ANKRD26: variants seen among roughly 807,000 people sequenced by gnomAD.
ANKRD26 encodes the protein ankyrin repeat domain 26.
ANKRD26 carries 141 observed loss-of-function variants against 208.7 expected under a neutral mutation model. The observed-to-expected ratio is 0.68, with a 90% CI of 0.59 to 0.78. The LOEUF is 0.78. ANKRD26 is among the 30% of genes least tolerant of loss of function. The pLI, the probability that ANKRD26 is intolerant of heterozygous loss-of-function variation, is 0.00. For missense variants in ANKRD26, 1,889 were observed against 1,938.7 expected (o/e 0.97, Z 0.48); for synonymous variants, 636 against 660.4 (o/e 0.96, Z 0.57).
chr10:26,955,266 TAAAAGTACAA>T, the ANKRD26 span, among the ~76,000 whole-genome samples: 1 of 151,780 alleles, frequency 6.6e-6, no homozygotes, highest in Non-Finnish European at 1.5e-5. Context: ...CCATCTCTAC[TAAAAGTACAA>T]AATTAGCCGG....
chr10:27,086,675 C>CA, intron 4 of ANKRD26, 66 bp from the exon 5 acceptor site: 8 of 1,489,028 alleles, frequency 5.4e-6, no homozygotes, highest in Non-Finnish European at 7.3e-6. Flanking sequence ...CCAAATATCT[C>CA]AAAATCTTGA....
At chr10:27,052,330 G>A (rs2054691628) in intron 16 of ANKRD26, 1 of 237,610 alleles carries the variant, frequency 4.2e-6, no homozygotes, top group Non-Finnish European at 6.8e-6. Context: ...TGTTCCTTTG[G>A]ATTAAACTTA....
chr10:26,986,905 T>C (rs1214362966), intron 3 of ANKRD26, among the ~76,000 whole-genome samples: 1 of 152,226 alleles, frequency 6.6e-6, no homozygotes, highest in Non-Finnish European at 1.5e-5. Context: ...AGAAACACCA[T>C]TTGACCCAGC....
At chr10:27,024,599 G>A in intron 27 of ANKRD26, 40 bp from the exon 28 acceptor site, 2 of 1,165,574 alleles carry the variant, frequency 1.7e-6, no homozygotes, top group Non-Finnish European at 1.3e-6. Context: ...TAAAACTCTG[G>A]AAACACTTTT....
intron 33 of ANKRD26, among the ~76,000 whole-genome samples, chr10:27,006,055 C>A (rs2052865802): frequency 6.6e-6 from 1 of 152,124 alleles, no homozygotes; most frequent in Admixed American, 6.6e-5. Flanking sequence ...AAAAAACAGA[C>A]AAACATACAA....
chr10:27,044,081 A>T, intron 19 of ANKRD26, 76 bp downstream of exon 19: 1 of 1,128,184 alleles, frequency 8.9e-7, no homozygotes, highest in Non-Finnish European at 1.2e-6. Context: ...GGTGTGAGCC[A>T]CTGTGCCCAG....
At chr10:26,969,308 G>T (rs1459793207), downstream of ANKRD26, among the ~76,000 whole-genome samples, 1 of 152,196 alleles carries the variant, frequency 6.6e-6, no homozygotes, top group Non-Finnish European at 1.5e-5. Context: ...GGGGAATACT[G>T]AGAAGAGAAA....
chr10:27,037,984 A>G lies in ANKRD26; in HGVS notation c.2446T>C (p.Leu816=). 1.2e-6 allele frequency: 2 copies of G among 1,612,906 alleles called. No individual in the cohort carries two copies. The highest frequency in any genetic ancestry group is 1.7e-6 in the Non-Finnish European group (2 of 1,179,698). Residue 816 remains leucine (L), a synonymous_variant, in exon 22 of 34, where the codon TTA becomes CTA. Coordinates refer to ENST00000376087, the MANE Select transcript of ANKRD26 (RefSeq NM_014915.3). ...CTATATTGCTCTTCTTTTCTTCTTA[A>G]CTGTTCCCTAATTTTTTCATACAAC... is the stretch of plus-strand genomic sequence containing the variant. ...DTLYEKIREQ[L]RRKEEQYRKE...
chr10:26,976,493 G>A (rs1336594532), intron 5 of ANKRD26, among the ~76,000 whole-genome samples: 6 of 152,156 alleles, frequency 3.9e-5, no homozygotes, highest in Non-Finnish European at 1.5e-5. Context: ...GGGATTACAG[G>A]CCTGAGCCAC....
chr10:26,948,885 C>T, the ANKRD26 span, among the ~76,000 whole-genome samples: 4 of 152,232 alleles, frequency 2.6e-5, no homozygotes, highest in African/African-American at 9.6e-5. Flanking sequence ...ATCCCAGCTA[C>T]TTGGGAGGCT....
intron 4 of ANKRD26, among the ~76,000 whole-genome samples, chr10:27,089,188 C>T (rs2135700884): frequency 6.6e-6 from 1 of 152,304 alleles, no homozygotes; most frequent in South Asian, 2.1e-4. Flanking sequence ...GCAACAAAAT[C>T]ACTGGTAACA....
At chr10:27,091,434 A>G (rs1269225361) in intron 4 of ANKRD26, among the ~76,000 whole-genome samples, 1 of 152,164 alleles carries the variant, frequency 6.6e-6, no homozygotes, top group African/African-American at 2.4e-5. Context: ...CCCTTTGCCC[A>G]TACCAATTAA....
chr10:27,037,385 A>T, intron 22 of ANKRD26, 62 bp from the exon 23 acceptor site: 1 of 1,565,604 alleles, frequency 6.4e-7, no homozygotes, highest in Non-Finnish European at 8.7e-7. Context: ...GGTTAACAAG[A>T]GCAGAATTTT....
At chr10:27,041,872 C>T (rs1480847025) in intron 20 of ANKRD26, among the ~76,000 whole-genome samples, 1 of 151,678 alleles carries the variant, frequency 6.6e-6, no homozygotes, top group Admixed American at 6.6e-5. Flanking sequence ...AGGATATGGC[C>T]AGGAGAGAAA....
intron 5 of ANKRD26, among the ~76,000 whole-genome samples, chr10:27,085,143 C>G (rs1443462709): frequency 6.6e-6 from 1 of 151,770 alleles, no homozygotes; most frequent in Non-Finnish European, 1.5e-5. Context: ...CTCTGTCACC[C>G]AGGCTGGAGT....
intron 31 of ANKRD26, among the ~76,000 whole-genome samples, chr10:27,013,343 A>G (rs2053181100): frequency 6.6e-6 from 1 of 152,202 alleles, no homozygotes; most frequent in Admixed American, 6.5e-5. Context: ...CAAGTAATTC[A>G]AGCAAAGTAG....
intron 18 of ANKRD26, among the ~76,000 whole-genome samples, chr10:27,045,423 TA>T (rs74940609): frequency 0.02 from 2,603 of 127,440 alleles, 46 homozygotes; most frequent in African/African-American, 0.051. Context: ...GACTCTGACT[TA>T]AAAAAAAAAA....
chr10:27,044,310 A>C, intron 18 of ANKRD26, 120 bp from the exon 19 acceptor site: 1 of 888,248 alleles, frequency 1.1e-6, no homozygotes, highest in South Asian at 1.8e-5. Flanking sequence ...CTATTCATAA[A>C]GTTTACAGGA....
At chr10:26,985,468 T>C (rs902055060) in intron 3 of ANKRD26, among the ~76,000 whole-genome samples, 7 of 152,168 alleles carry the variant, frequency 4.6e-5, no homozygotes, top group African/African-American at 1.4e-4. Context: ...CAAGTAGATT[T>C]CCCTCTCATT....
Sources: gnomAD v4.1 joint callset for allele counts (sites outside exome capture counted in the v4.1 genomes callset) on GRCh38, gnomAD v4.1.1 for gene constraint, MANE v1.5 for transcripts, NCBI Gene and HGNC (gene_info 2026-07-23, HGNC 2026-07-21) for gene names.